The following RELL1 variants were observed in gnomAD, a reference collection of about 807,000 sequenced individuals.
RELL1 encodes the protein RELT-like protein 1.
In RELL1, 10 loss-of-function variants were observed where a neutral mutation model predicts 23.0. The ratio of observed to expected loss-of-function variants is 0.43; its 90% CI spans 0.27 to 0.74. The LOEUF is 0.74. RELL1 is among the 30% of genes least tolerant of loss of function. The pLI, the probability that RELL1 is intolerant of heterozygous loss-of-function variation, is 0.19. For missense variants in RELL1, 315 were observed against 364.4 expected (o/e 0.86, Z 1.10); for synonymous variants, 146 against 146.8 (o/e 0.99, Z 0.04).
At chr4:37,615,189 A>C (rs1163189023) in intron 6 of RELL1, among the ~76,000 whole-genome samples, 1 of 152,218 alleles carries the variant, frequency 6.6e-6, no homozygotes, top group African/African-American at 2.4e-5. Flanking sequence ...CTCAACAATC[A>C]CATTAGCTTT....
At chr4:37,598,974 C>T (rs937597757) in intron 6 of RELL1, among the ~76,000 whole-genome samples, 4 of 152,124 alleles carry the variant, frequency 2.6e-5, no homozygotes, top group East Asian at 1.9e-4. Context: ...CGTGAGCCAC[C>T]GCGCCTGGCC....
At chr4:37,591,552 G>C (rs1718609108) in intron 6 of RELL1, 1 of 152,348 alleles carries the variant, frequency 6.6e-6, no homozygotes, top group Non-Finnish European at 1.5e-5. Flanking sequence ...TTCAACAGCG[G>C]GTTAAGCTCA....
intron 6 of RELL1, among the ~76,000 whole-genome samples, chr4:37,600,780 C>CGTGCGTGT (rs1553871084): frequency 6.8e-6 from 1 of 147,568 alleles, no homozygotes; most frequent in South Asian, 2.2e-4. Context: ...TGGATTTGTG[C>CGTGCGTGT]GTGTGTGTGT....
In RELL1 at chr4:37,614,202, T is replaced by C. The variant is rs16993710; in HGVS notation, c.*4-860A>G. Among the ~76,000 whole-genome samples, 915 of 152,340 alleles carry C rather than the reference T, an allele frequency of 6.0e-3. 7 individuals are homozygous for C. The highest frequency in any genetic ancestry group is 0.021 in the African/African-American group (875 of 41,584). ...TTATTTTACAGCTTGTCCTTCAAGA[T>C]ATGTACCTTATTATTATCTATGTTA... On this transcript the variant is annotated intron_variant, in intron 6 of 6. Coordinates refer to ENST00000454158, the MANE Select transcript of RELL1 (RefSeq NM_001085400.2).
intron 1 of RELL1, among the ~76,000 whole-genome samples, chr4:37,677,421 C>G (rs752418991): frequency 6.6e-6 from 1 of 152,216 alleles, no homozygotes; most frequent in Non-Finnish European, 1.5e-5. Context: ...CTTCCTCCTC[C>G]TAAGAGTCTC....
rs141687487 is a variant in RELL1 at position 37,623,005 on chromosome 4, G to A, written c.*3+8380C>T. The A allele has an allele frequency of 2.0e-3, 710 of 362,430 alleles. 16 individuals carry two copies. In the East Asian group the frequency reaches 0.043, roughly 22 times the overall value. 22.5% of individuals were successfully genotyped at this position (362,430 alleles called of 1,614,324 possible). ...TTTTTAGTAGAGATGGGGTTTCACC[G>A]TGTTGTCCAGGCTGGTCTCGAACTC... On this transcript the variant is annotated intron_variant, in intron 6 of 6. Transcript: ENST00000454158.
rs2276943 is a variant in RELL1 at position 37,635,128 on chromosome 4, T to G, written c.444-5A>C. 0.61 allele frequency: 984,000 copies of G among 1,612,044 alleles called. 302,099 individuals carry two copies. Among genetic ancestry groups the G allele is most frequent in the Middle Eastern group, 0.72 (4,334 of 6,058 alleles). ...GGTGTGCTGGGGGTCACGGGGCTAATGTGGGGAGGAAAACAAAAAGAGCAA... is the reference window on the plus strand; with the variant it reads ...GGTGTGCTGGGGGTCACGGGGCTAAGGTGGGGAGGAAAACAAAAAGAGCAA... On this transcript the variant is annotated splice_polypyrimidine_tract_variant and splice_region_variant and intron_variant, in intron 4 of 6. Transcript: ENST00000454158.
intron 6 of RELL1, among the ~76,000 whole-genome samples, chr4:37,592,688 C>T (rs1328163867): frequency 2.6e-5 from 4 of 151,798 alleles, no homozygotes; most frequent in African/African-American, 7.2e-5. Context: ...TGATTTCCAG[C>T]TTTGCCATGT....
chr4:37,632,052 T>C (rs1012032925), intron 5 of RELL1, among the ~76,000 whole-genome samples: 1 of 109,246 alleles, frequency 9.2e-6, no homozygotes, highest in Admixed American at 1.4e-4. Context: ...CACTCCAGCC[T>C]GGGCAACAGA....
downstream of RELL1, among the ~76,000 whole-genome samples, chr4:37,606,009 GGAGGAA>G (rs1255019971): frequency 7.0e-6 from 1 of 143,736 alleles, no homozygotes; most frequent in Non-Finnish European, 1.5e-5. The surrounding 1 kb of genome is among the most constrained non-coding windows in gnomAD (Gnocchi z 4.1). Context: ...GTAGAAGAAA[GGAGGAA>G]GAGAAAGAGA....
downstream of RELL1, among the ~76,000 whole-genome samples, chr4:37,606,651 C>T (rs1349687601): frequency 6.6e-6 from 1 of 152,200 alleles, no homozygotes; most frequent in Non-Finnish European, 1.5e-5. The surrounding 1 kb of genome is among the most constrained non-coding windows in gnomAD (Gnocchi z 4.1). Flanking sequence ...GATTATACCC[C>T]AGAGATATCA....
intron 6 of RELL1, among the ~76,000 whole-genome samples, chr4:37,624,591 T>C (rs1445977837): frequency 6.9e-6 from 1 of 145,206 alleles, no homozygotes; most frequent in Non-Finnish European, 1.5e-5. Context: ...GCCCGGCTAA[T>C]TTTTTTTTTT....
chr4:37,683,804 G>A (rs960403251), intron 1 of RELL1, among the ~76,000 whole-genome samples: 5 of 151,088 alleles, frequency 3.3e-5, no homozygotes, highest in Non-Finnish European at 7.4e-5. Flanking sequence ...AAATGCGGCC[G>A]GGCGCGGTGG....
chr4:37,626,801 C>T (rs138944013), intron 6 of RELL1, among the ~76,000 whole-genome samples: 33 of 149,676 alleles, frequency 2.2e-4, no homozygotes, highest in Non-Finnish European at 3.8e-4. Context: ...ACAAATACCA[C>T]GTCATCTCAC....
intron 1 of RELL1, among the ~76,000 whole-genome samples, chr4:37,679,924 C>G (rs1361505076): frequency 6.6e-6 from 1 of 152,058 alleles, no homozygotes. Context: ...TGCACTCCAG[C>G]CTGGGAGACA....
intron 6 of RELL1, among the ~76,000 whole-genome samples, chr4:37,597,724 C>A (rs1718903459): frequency 6.6e-6 from 1 of 152,174 alleles, no homozygotes; most frequent in South Asian, 2.1e-4. Flanking sequence ...AGCCGGGTGA[C>A]AAACCATCAA....
intron 1 of RELL1, among the ~76,000 whole-genome samples, chr4:37,667,872 T>C (rs764217869): frequency 5.3e-5 from 8 of 152,124 alleles, no homozygotes; most frequent in Admixed American, 2.0e-4. Context: ...TAAACTTCCT[T>C]TGCACTCTTA....
intron 5 of RELL1, among the ~76,000 whole-genome samples, chr4:37,634,307 C>T (rs2109262504): frequency 6.6e-6 from 1 of 152,384 alleles, no homozygotes; most frequent in East Asian, 1.9e-4. Flanking sequence ...GGCTGTGGAC[C>T]AGATCCACGT....
At chr4:37,605,905 A>G (rs758554695), downstream of RELL1, among the ~76,000 whole-genome samples, 2 of 96,364 alleles carry the variant, frequency 2.1e-5, no homozygotes, top group Non-Finnish European at 5.7e-5. Flanking sequence ...GAAAGGAAGA[A>G]AGAGGAAGGA....
Sources: allele counts gnomAD v4.1 joint callset (sites outside exome capture counted in the v4.1 genomes callset), GRCh38; gene constraint gnomAD v4.1.1; non-coding constraint Gnocchi (gnomAD v3.1); transcripts MANE v1.5; gene names NCBI Gene and HGNC (gene_info 2026-07-23, HGNC 2026-07-21).